Variants in PAX5 observed in about 807,000 individuals in gnomAD.
PAX5 encodes the protein paired box protein Pax-5.
Under a neutral mutation model 43.7 loss-of-function variants are expected in PAX5, and 9 were observed. That is an observed-to-expected ratio of 0.21 (90% CI 0.12 to 0.36). The LOEUF (loss-of-function observed/expected upper bound fraction) is 0.36, where lower values mean the gene tolerates loss of function less well. Ranked by LOEUF, PAX5 falls within the 10% of genes least tolerant of loss-of-function variation. PAX5 has a pLI of 1.00. For synonymous variants in PAX5, 228 were observed against 214.3 expected (o/e 1.06, Z -0.56); for missense variants, 383 against 532.7 (o/e 0.72, Z 2.77).
intron 3 of PAX5, among the ~76,000 whole-genome samples, chr9:37,008,346 A>G (rs112390210): frequency 2.0e-5 from 3 of 152,256 alleles, no homozygotes; most frequent in African/African-American, 7.2e-5. Context: ...GAGCCACCGC[A>G]CTCAGCCTCC....
intron 6 of PAX5, among the ~76,000 whole-genome samples, chr9:36,955,408 T>G (rs1833361610): frequency 6.6e-6 from 1 of 152,174 alleles, no homozygotes; most frequent in Non-Finnish European, 1.5e-5. Flanking sequence ...TTTATATTAT[T>G]TCCATCCTTG....
At chr9:36,925,944 A>G (rs1379968494) in intron 6 of PAX5, among the ~76,000 whole-genome samples, 1 of 152,220 alleles carries the variant, frequency 6.6e-6, no homozygotes, top group African/African-American at 2.4e-5. Flanking sequence ...TGGTGCCAGA[A>G]CAATAACAAC....
At chr9:37,026,677 CG>C in intron 1 of PAX5, 1 of 1,329,104 alleles carries the variant, frequency 7.5e-7, no homozygotes. Context: ...AGGCACTGTG[CG>C]AGCTGGGCTC....
chr9:36,924,722 A>AAAAAG (rs1554665254), intron 6 of PAX5, among the ~76,000 whole-genome samples: 1 of 89,126 alleles, frequency 1.1e-5, no homozygotes, highest in Admixed American at 1.5e-4. Context: ...TCTGTCAAAA[A>AAAAAG]AAAGAAAGAG....
At chr9:37,000,597 GA>G (rs142089952) in intron 5 of PAX5, among the ~76,000 whole-genome samples, 2,091 of 152,162 alleles carry the variant, frequency 0.014, 40 homozygotes, top group African/African-American at 0.049. Flanking sequence ...TATTTATTAA[GA>G]AAAAAATTTT....
chr9:37,027,574 T>C (rs1840533784), intron 1 of PAX5, among the ~76,000 whole-genome samples: 1 of 152,206 alleles, frequency 6.6e-6, no homozygotes, highest in Non-Finnish European at 1.5e-5. Context: ...GGGGCTGAGA[T>C]GGAGCCGCAG....
intron 5 of PAX5, among the ~76,000 whole-genome samples, chr9:36,987,414 T>C (rs1836524207): frequency 6.6e-6 from 1 of 152,256 alleles, no homozygotes; most frequent in Admixed American, 6.5e-5. Context: ...GATACTCTCA[T>C]AGGCAAGAGA....
chr9:37,015,771 G>A lies in PAX5; in HGVS notation c.213-577C>T, dbSNP rs1421476727. ...ATTTTGTATTTTTAGTAGAGACGGG[G>A]GTTTCACCATGTTAGTCAGGCTGGT... On this transcript the variant is annotated intron_variant, in intron 2 of 9. Transcript: ENST00000358127. This position sits in a 1 kb window ranked among gnomAD's most constrained non-coding sequence, Gnocchi z 4.4. 1.3e-5 allele frequency among the ~76,000 whole-genome samples: 2 copies of A among 151,886 alleles called. No homozygotes were observed. Among genetic ancestry groups the A allele is most frequent in the African/African-American group, 4.8e-5 (2 of 41,320 alleles).
chr9:36,908,067 C>T (rs1030598970), intron 7 of PAX5, among the ~76,000 whole-genome samples: 1 of 151,940 alleles, frequency 6.6e-6, no homozygotes, highest in African/African-American at 2.4e-5. Context: ...AGCATAGTGG[C>T]GTGCACCTGT....
intron 8 of PAX5, among the ~76,000 whole-genome samples, chr9:36,855,914 G>C (rs1015881028): frequency 2.0e-5 from 3 of 152,182 alleles, no homozygotes; most frequent in African/African-American, 7.2e-5. Flanking sequence ...CTCCAGGAAG[G>C]CTTTCTGGAT....
Position 36,840,361 on chromosome 9 carries a change from T to C in PAX5, c.*199A>G, listed in dbSNP as rs1446457940. ...AAGCTCATAGATTGGCTTTTAGAAA[T>C]AGACAAGCATCCAGAAGTCCAACGG... On this transcript the variant is annotated 3_prime_UTR_variant, in exon 10 of 10. Coordinates refer to ENST00000358127, the MANE Select transcript of PAX5 (RefSeq NM_016734.3). 1.6e-6 allele frequency: 1 copy of C among 629,556 alleles called. No individual in the cohort carries two copies. The highest frequency in any genetic ancestry group is 2.6e-5 in the Admixed American group (1 of 37,882). 39.0% of individuals were successfully genotyped at this position (629,556 alleles called of 1,614,324 possible).
intron 6 of PAX5, among the ~76,000 whole-genome samples, chr9:36,953,410 TTTC>T (rs1833172328): frequency 1.3e-5 from 2 of 152,144 alleles, no homozygotes; most frequent in South Asian, 2.1e-4. Flanking sequence ...ATTTCAAATA[TTTC>T]TTCTTCTTCA....
At chr9:36,897,192 G>A (rs552915907) in intron 7 of PAX5, among the ~76,000 whole-genome samples, 2 of 152,308 alleles carry the variant, frequency 1.3e-5, no homozygotes, top group South Asian at 2.1e-4. Context: ...CAGCAGCTGT[G>A]GGTAAGGTGT....
intron 2 of PAX5, among the ~76,000 whole-genome samples, chr9:37,019,494 C>T (rs1839681097): frequency 6.6e-6 from 1 of 152,208 alleles, no homozygotes; most frequent in African/African-American, 2.4e-5. Context: ...TTCCCTTGGC[C>T]TCAAACAAGC....
intron 8 of PAX5, among the ~76,000 whole-genome samples, chr9:36,862,098 G>A (rs1824271606): frequency 6.6e-6 from 1 of 152,168 alleles, no homozygotes; most frequent in South Asian, 2.1e-4. Flanking sequence ...AGCTGGTAGA[G>A]GGAAAGCATG....
intron 8 of PAX5, among the ~76,000 whole-genome samples, chr9:36,863,643 C>T (rs1275120244): frequency 6.6e-6 from 1 of 152,214 alleles, no homozygotes; most frequent in Non-Finnish European, 1.5e-5. Context: ...AACCAGTGAG[C>T]CTACTAGGCT....
intron 6 of PAX5, among the ~76,000 whole-genome samples, chr9:36,948,214 A>G (rs1215075482): frequency 6.6e-6 from 1 of 152,186 alleles, no homozygotes; most frequent in Non-Finnish European, 1.5e-5. Context: ...GGGACTCCAG[A>G]GCTCTGGCTC....
rs568608403 is a variant in PAX5 at position 36,896,341 on chromosome 9, T to C, written c.911-14236A>G. On this transcript the variant is annotated intron_variant, in intron 7 of 9. Transcript: ENST00000358127. ...CCAAGAAAGTCCAAACAGACAACGCTGATATTTTGTAACGCCAGCTCCTAC... is the reference window on the plus strand; with the variant it reads ...CCAAGAAAGTCCAAACAGACAACGCCGATATTTTGTAACGCCAGCTCCTAC... Among the ~76,000 whole-genome samples, 9 of 151,602 alleles carry C rather than the reference T, an allele frequency of 5.9e-5. No homozygotes were observed. The East Asian group carries it at 1.8e-3, about 30-fold the overall frequency.
chr9:36,980,131 C>G (rs1478396704), intron 5 of PAX5, among the ~76,000 whole-genome samples: 1 of 152,240 alleles, frequency 6.6e-6, no homozygotes, highest in East Asian at 1.9e-4. Context: ...TTAATTTTCC[C>G]AACTCCAAGC....
Sources: allele counts gnomAD v4.1 joint callset (sites outside exome capture counted in the v4.1 genomes callset), GRCh38; gene constraint gnomAD v4.1.1; non-coding constraint Gnocchi (gnomAD v3.1); transcripts MANE v1.5; gene names NCBI Gene and HGNC (gene_info 2026-07-23, HGNC 2026-07-21).